Variants in STARD3NL observed in about 807,000 individuals in gnomAD.
STARD3NL encodes STARD3 N-terminal like, also known as STARD3 N-terminal-like protein.
A neutral mutation model predicts 30.9 loss-of-function variants in STARD3NL; 17 were observed. That is an observed-to-expected ratio of 0.55 (90% confidence interval 0.38 to 0.82). STARD3NL has a LOEUF of 0.82. Ranked by LOEUF, STARD3NL falls within the 40% of genes least tolerant of loss-of-function variation. The pLI is 0.00. For synonymous variants in STARD3NL, 112 were observed against 100.5 expected (o/e 1.11, Z -0.69); for missense variants, 234 against 277.6 (o/e 0.84, Z 1.12).
intron 7 of STARD3NL, among the ~76,000 whole-genome samples, chr7:38,224,413 T>C (rs1446867839): frequency 6.6e-6 from 1 of 152,226 alleles, no homozygotes; most frequent in East Asian, 1.9e-4. Context: ...TATTTTACGT[T>C]CCCTCCAATA....
intron 1 of STARD3NL, chr7:38,201,843 A>ACTC (rs1453593437): frequency 6.6e-6 from 1 of 151,774 alleles, no homozygotes; most frequent in African/African-American, 2.4e-5. Context: ...GTGCACTACC[A>ACTC]CTCCTGTCTA....
rs370794325 is a variant in STARD3NL, at chr7:38,202,547, C to CT, written c.-58-4891dup. Among the ~76,000 whole-genome samples the CT allele has an allele frequency of 1.5e-4, 23 of 150,968 alleles. No individual in the cohort carries two copies. In the East Asian group the frequency reaches 2.9e-3, roughly 19 times the overall value. ...ATCATTGGTAATATCTGATATATTT[C>CT]TTTTTTTTTAACATTTTTATTTTTT... On this transcript the variant is annotated intron_variant, in intron 1 of 8. Coordinates refer to ENST00000009041, the MANE Select transcript of STARD3NL (RefSeq NM_032016.4).
intron 1 of STARD3NL, among the ~76,000 whole-genome samples, chr7:38,185,723 T>C (rs190351203): frequency 1.7e-3 from 260 of 152,350 alleles, no homozygotes; most frequent in African/African-American, 6.0e-3. Flanking sequence ...CTTTGCTGAC[T>C]ACTTATCAGC....
chr7:38,208,978 G>A (rs1005604387), intron 2 of STARD3NL, among the ~76,000 whole-genome samples: 31 of 152,076 alleles, frequency 2.0e-4, no homozygotes, highest in African/African-American at 6.0e-4. Context: ...AACTAAACTC[G>A]TTATGAAAGC....
At chr7:38,183,363 G>C (rs1335941400) in intron 1 of STARD3NL, among the ~76,000 whole-genome samples, 2 of 152,212 alleles carry the variant, frequency 1.3e-5, no homozygotes, top group African/African-American at 2.4e-5. Flanking sequence ...ATGTTTAGCA[G>C]CATCTCTGGC....
chr7:38,182,726 A>T (rs1297657425), intron 1 of STARD3NL, among the ~76,000 whole-genome samples: 4 of 152,194 alleles, frequency 2.6e-5, no homozygotes, highest in African/African-American at 4.8e-5. Flanking sequence ...CCTGACTCTG[A>T]GCTATTTAAG....
chr7:38,197,596 A>C (rs1784984872), intron 1 of STARD3NL, among the ~76,000 whole-genome samples: 1 of 152,174 alleles, frequency 6.6e-6, no homozygotes, highest in African/African-American at 2.4e-5. Flanking sequence ...CATTAAGCAG[A>C]ACTTTTTATT....
At chr7:38,198,595 A>G (rs559245646) in intron 1 of STARD3NL, among the ~76,000 whole-genome samples, 11 of 152,144 alleles carry the variant, frequency 7.2e-5, no homozygotes, top group South Asian at 4.1e-4. Flanking sequence ...TATTATTCCA[A>G]CATTCTTTTG....
chr7:38,194,995 C>T (rs1293828645), intron 1 of STARD3NL, among the ~76,000 whole-genome samples: 1 of 151,812 alleles, frequency 6.6e-6, no homozygotes, highest in Non-Finnish European at 1.5e-5. Context: ...GTTTTTAAAA[C>T]ATTTTGTATC....
At chr7:38,192,217 G>A (rs1784716945) in intron 1 of STARD3NL, among the ~76,000 whole-genome samples, 1 of 151,898 alleles carries the variant, frequency 6.6e-6, no homozygotes, top group Admixed American at 6.6e-5. Flanking sequence ...CCACTCCCCT[G>A]GATTGAAGGA....
intron 7 of STARD3NL, among the ~76,000 whole-genome samples, chr7:38,228,169 A>G (rs1583837860): frequency 6.6e-6 from 1 of 152,366 alleles, no homozygotes; most frequent in South Asian, 2.1e-4. Context: ...GAACTACAGT[A>G]TTAACCTTTC....
intron 1 of STARD3NL, among the ~76,000 whole-genome samples, chr7:38,199,372 A>G (rs559776668): frequency 6.6e-6 from 1 of 152,256 alleles, no homozygotes; most frequent in Non-Finnish European, 1.5e-5. Flanking sequence ...CCTGAATTCA[A>G]CAGAGATTGC....
intron 3 of STARD3NL, 79 bp from the exon 4 acceptor site, chr7:38,214,949 C>A: frequency 7.9e-7 from 1 of 1,267,044 alleles, no homozygotes; most frequent in Non-Finnish European, 1.1e-6. Context: ...GTAATGAAGA[C>A]AGTCTGGTGA....
intron 1 of STARD3NL, among the ~76,000 whole-genome samples, chr7:38,184,131 A>G (rs1220167599): frequency 1.3e-5 from 2 of 152,214 alleles, no homozygotes; most frequent in East Asian, 1.9e-4. Context: ...TTAAAGGTAT[A>G]TGGGATATAT....
chr7:38,209,583 C>T (rs957733544), intron 2 of STARD3NL, among the ~76,000 whole-genome samples: 6 of 152,072 alleles, frequency 3.9e-5, no homozygotes, highest in Non-Finnish European at 7.3e-5. Context: ...CGCGCCTGGC[C>T]GGAAATGCAT....
At chr7:38,191,324 A>G (rs890350396) in intron 1 of STARD3NL, among the ~76,000 whole-genome samples, 6 of 152,166 alleles carry the variant, frequency 3.9e-5, no homozygotes, top group African/African-American at 1.4e-4. Flanking sequence ...AATTTGTCCA[A>G]TGTAAATTCC....
rs142660465 is a variant in STARD3NL, at chr7:38,190,227, T to G, written c.-59+11807T>G. ...ATGTTCTGGGTGGGATGGAGTGAGA[T>G]AGTGGGAGATTTCATCATGCCACTC... On this transcript the variant is annotated intron_variant, in intron 1 of 8. Transcript: ENST00000009041. Among the ~76,000 whole-genome samples, 30 of 152,304 alleles carry G rather than the reference T, an allele frequency of 2.0e-4. No homozygotes were observed. In the East Asian group the frequency reaches 5.6e-3, roughly 28 times the overall value.
chr7:38,217,096 T>C lies in STARD3NL; in HGVS notation c.435+18T>C. On this transcript the variant is annotated intron_variant, in intron 5 of 8. Transcript: ENST00000009041. ...TTTCGAAGGTATGGCCTACCACTTT[T>C]TCTATACAGTTACCATCTTCAGTGA... is the stretch of plus-strand genomic sequence containing the variant. 6.2e-7 allele frequency: 1 copy of C among 1,614,086 alleles called. No homozygotes were observed. The highest frequency in any genetic ancestry group is 8.5e-7 in the Non-Finnish European group (1 of 1,179,948).
At chr7:38,186,065 A>C (rs1011832136) in intron 1 of STARD3NL, among the ~76,000 whole-genome samples, 1 of 152,194 alleles carries the variant, frequency 6.6e-6, no homozygotes, top group Non-Finnish European at 1.5e-5. Context: ...CAAGTTCCTT[A>C]ATTGAGGGAC....
Sources: allele counts gnomAD v4.1 joint callset (sites outside exome capture counted in the v4.1 genomes callset), GRCh38; gene constraint gnomAD v4.1.1; transcripts MANE v1.5; gene names NCBI Gene and HGNC (gene_info 2026-07-23, HGNC 2026-07-21).